DNM3: variants seen among roughly 807,000 people sequenced by gnomAD.
DNM3 encodes the protein dynamin 3, also known as dynamin-3.
A neutral mutation model predicts 101.6 loss-of-function variants in DNM3; 47 were observed. The observed-to-expected ratio is 0.46, with a 90% CI of 0.37 to 0.59. DNM3 has a LOEUF of 0.59. Ranked by LOEUF, DNM3 falls within the 20% of genes least tolerant of loss-of-function variation. DNM3 has a pLI of 0.00. For missense variants in DNM3, 849 were observed against 1,085.7 expected, an observed-to-expected ratio of 0.78 and a Z score of 3.06; for synonymous variants, 385 against 387.9, an observed-to-expected ratio of 0.99 and a Z score of 0.09.
At chr1:171,954,070 T>G (rs2042701243) in intron 2 of DNM3, among the ~76,000 whole-genome samples, 1 of 152,170 alleles carries the variant, frequency 6.6e-6, no homozygotes, top group Non-Finnish European at 1.5e-5. Context: ...TTGTGGACAT[T>G]AACCTGCAAT....
At chr1:172,263,612 T>C (rs1005253571) in intron 15 of DNM3, among the ~76,000 whole-genome samples, 2 of 151,642 alleles carry the variant, frequency 1.3e-5, no homozygotes, top group Non-Finnish European at 2.9e-5. Flanking sequence ...GGCAAGAGAG[T>C]ATGTGCAGGG....
intron 1 of DNM3, among the ~76,000 whole-genome samples, chr1:171,869,191 T>C (rs543640762): frequency 2.0e-5 from 3 of 152,278 alleles, no homozygotes; most frequent in African/African-American, 7.2e-5. Context: ...AGAAAACCAT[T>C]TTGTGAATGC....
chr1:171,917,824 A>G (rs1177057482), intron 1 of DNM3, among the ~76,000 whole-genome samples: 1 of 152,244 alleles, frequency 6.6e-6, no homozygotes, highest in East Asian at 1.9e-4. Flanking sequence ...CTAAAGGAAT[A>G]GTCATTATTT....
intron 14 of DNM3, chr1:172,133,466 G>A: frequency 1.0e-6 from 1 of 976,672 alleles, no homozygotes; most frequent in South Asian, 4.7e-5. Context: ...GTTGGGGGCA[G>A]GTGAGAGTGG....
chr1:172,310,202 A>G (rs2065022589), intron 16 of DNM3: 1 of 152,206 alleles, frequency 6.6e-6, no homozygotes, highest in Non-Finnish European at 1.5e-5. Context: ...TTTTAACTCT[A>G]TTACTTATTA....
chr1:172,263,467 A>T (rs116583149), intron 15 of DNM3, among the ~76,000 whole-genome samples: 9 of 152,156 alleles, frequency 5.9e-5, no homozygotes, highest in Non-Finnish European at 1.0e-4. Context: ...TTCTGTTCTC[A>T]TGCTGCTAAT....
chr1:172,130,291 T>C (rs145125720), intron 13 of DNM3, among the ~76,000 whole-genome samples: 7 of 152,298 alleles, frequency 4.6e-5, no homozygotes, highest in African/African-American at 1.7e-4. Flanking sequence ...ATTTCATTTC[T>C]AGTTCTGTGA....
intron 12 of DNM3, among the ~76,000 whole-genome samples, chr1:172,090,707 T>C (rs1186877988): frequency 6.6e-6 from 1 of 152,154 alleles, no homozygotes. Flanking sequence ...GAATGCAGTG[T>C]TTTTTCATGA....
intron 14 of DNM3, among the ~76,000 whole-genome samples, chr1:172,227,240 CTTTTTT>C (rs1181409485): frequency 9.4e-6 from 1 of 106,644 alleles, no homozygotes; most frequent in African/African-American, 3.4e-5. Flanking sequence ...ACATTTCATT[CTTTTTT>C]TTTAATGGCT....
In DNM3 at chr1:172,051,797, C is replaced by T. The variant is rs1054804839; in HGVS notation, c.1335+3047C>T. ...GTGTATGGGTGAGCAGATGTACATC[C>T]ATCATTAGTTTTTTTATCTATTACT... On this transcript the variant is annotated intron_variant, in intron 10 of 20. Coordinates refer to ENST00000627582, the MANE Select transcript of DNM3 (RefSeq NM_015569.5). Among the ~76,000 whole-genome samples the T allele has an allele frequency of 2.9e-4, 44 of 152,238 alleles. 1 individual carries two copies. Among genetic ancestry groups the T allele is most frequent in the Admixed American group, 2.7e-3 (42 of 15,282 alleles).
At position 172,390,244 on chromosome 1, in the gene DNM3, ATTGCCCTAAGAACT is replaced by A. The variant is rs1292458917; in HGVS notation, c.2522+1439_2522+1452del. Among the ~76,000 whole-genome samples the A allele has an allele frequency of 2.6e-5, 4 of 152,244 alleles. No individual in the cohort carries two copies. The South Asian group carries it at 8.3e-4, about 31-fold the overall frequency. ...TATTGTGCCCTCAATATTACTAGGC[ATTGCCCTAAGAACT>A]TTGTATATACATTTTTGTTTAAAGC... is the stretch of plus-strand genomic sequence containing the variant. On this transcript the variant is annotated intron_variant, in intron 20 of 20. Transcript: ENST00000627582.
At chr1:171,941,138 A>C (rs1013952813) in intron 2 of DNM3, among the ~76,000 whole-genome samples, 1 of 152,118 alleles carries the variant, frequency 6.6e-6, no homozygotes, top group African/African-American at 2.4e-5. Context: ...TGAAAGCTGC[A>C]TTTTTTTAGG....
intron 16 of DNM3, 91 bp from the exon 17 acceptor site, chr1:172,323,238 C>T: frequency 3.0e-6 from 4 of 1,314,330 alleles, no homozygotes; most frequent in Non-Finnish European, 4.1e-6. Flanking sequence ...TTTTAATATC[C>T]AGAGAAAGTA....
chr1:172,315,052 G>A (rs2065263913), intron 16 of DNM3, among the ~76,000 whole-genome samples: 1 of 152,134 alleles, frequency 6.6e-6, no homozygotes, highest in African/African-American at 2.4e-5. Flanking sequence ...ACTTCCAGAG[G>A]AACAATCAGA....
intron 14 of DNM3, among the ~76,000 whole-genome samples, chr1:172,206,651 G>A (rs893519766): frequency 3.3e-5 from 5 of 151,992 alleles, no homozygotes; most frequent in Admixed American, 6.6e-5. Flanking sequence ...TGCACCATCA[G>A]TGCAAACGTC....
intron 13 of DNM3, among the ~76,000 whole-genome samples, chr1:172,116,156 TTG>T (rs1434781058): frequency 6.6e-6 from 1 of 152,184 alleles, no homozygotes; most frequent in Non-Finnish European, 1.5e-5. Flanking sequence ...TCTTGTTGGA[TTG>T]TGTATATCAG....
chr1:172,148,525 A>G (rs1473214839), intron 14 of DNM3, among the ~76,000 whole-genome samples: 1 of 152,152 alleles, frequency 6.6e-6, no homozygotes, highest in African/African-American at 2.4e-5. Flanking sequence ...TTTTTGAAAT[A>G]AATGTAAACA....
chr1:172,212,142 GA>G (rs1383826958), intron 14 of DNM3, among the ~76,000 whole-genome samples: 2 of 151,776 alleles, frequency 1.3e-5, no homozygotes, highest in Non-Finnish European at 1.5e-5. Context: ...TGATAAATGA[GA>G]AAAAAAGGAT....
rs1430660013 is a variant in DNM3, at chr1:171,996,794, C to A, written c.589+7646C>A. ...CTATAATTCTAACACTTTGGGAGGCCAAGGTGGGCAGATTGCTTGAGCCCA... is the reference window on the plus strand; with the variant it reads ...CTATAATTCTAACACTTTGGGAGGCAAAGGTGGGCAGATTGCTTGAGCCCA... On this transcript the variant is annotated intron_variant, in intron 4 of 20. Coordinates refer to ENST00000627582, the MANE Select transcript of DNM3 (RefSeq NM_015569.5). Among the ~76,000 whole-genome samples, 4 of 151,938 alleles carry A rather than the reference C, an allele frequency of 2.6e-5. No homozygotes were observed. The East Asian group carries it at 7.7e-4, about 29-fold the overall frequency.
Sources: allele counts gnomAD v4.1 joint callset (sites outside exome capture counted in the v4.1 genomes callset), GRCh38; gene constraint gnomAD v4.1.1; transcripts MANE v1.5; gene names NCBI Gene and HGNC (gene_info 2026-07-23, HGNC 2026-07-21).